ANXA2: variants seen among roughly 807,000 people sequenced by gnomAD.
ANXA2 encodes annexin A2, also known as annexin II.
A neutral mutation model predicts 47.3 loss-of-function variants in ANXA2; 28 were observed. The observed-to-expected ratio is 0.59, with a 90% CI of 0.44 to 0.81. The LOEUF (loss-of-function observed/expected upper bound fraction) is 0.81, where lower values mean the gene tolerates loss of function less well. ANXA2 is among the 40% of genes least tolerant of loss of function. ANXA2 has a pLI of 0.00. For missense variants in ANXA2, 384 were observed against 414.3 expected (o/e 0.93, Z 0.64); for synonymous variants, 172 against 155.5 (o/e 1.11, Z -0.79).
chr15:60,374,796 A>C (rs1484633260), intron 3 of ANXA2: 3 of 431,558 alleles, frequency 7.0e-6, no homozygotes, highest in African/African-American at 6.2e-5. Flanking sequence ...GTAAGATGAG[A>C]AGTCAGTCTA....
At chr15:60,397,859 G>C (rs2063102832) in intron 1 of ANXA2, 84 bp downstream of exon 1, 3 of 1,387,578 alleles carry the variant, frequency 2.2e-6, no homozygotes, top group Non-Finnish European at 2.8e-6. Context: ...GGGCCTCCCT[G>C]CCAGGCCGTA....
At chr15:60,394,746 G>A (rs1468331921) in intron 1 of ANXA2, 1 of 151,818 alleles carries the variant, frequency 6.6e-6, no homozygotes, top group Non-Finnish European at 1.5e-5. Context: ...GTGTACCCTA[G>A]AAGGGAGATT....
chr15:60,376,529 C>T (rs1410936993), intron 3 of ANXA2, among the ~76,000 whole-genome samples: 1 of 152,138 alleles, frequency 6.6e-6, no homozygotes, highest in African/African-American at 2.4e-5. Flanking sequence ...GTCTGCACAC[C>T]TGGAGGTATA....
chr15:60,385,930 C>A, intron 2 of ANXA2, 98 bp downstream of exon 2: 5 of 738,348 alleles, frequency 6.8e-6, no homozygotes, highest in South Asian at 1.9e-5. Context: ...CTGAATTGTC[C>A]CCATCTTCCT....
At chr15:60,361,181 T>A in intron 4 of ANXA2, 127 bp from the exon 5 acceptor site, 3 of 681,512 alleles carry the variant, frequency 4.4e-6, no homozygotes, top group South Asian at 3.4e-5. Context: ...GAGTCTTGGG[T>A]CAAACGCCCT....
chr15:60,364,628 T>G (rs12898870), intron 3 of ANXA2, 105 bp from the exon 4 acceptor site: 51,438 of 776,282 alleles, frequency 0.066, 2,226 homozygotes, highest in Non-Finnish European at 0.086. Flanking sequence ...TATATACTGT[T>G]TTCCAAACTG....
In ANXA2 at chr15:60,361,091, T is replaced by C. The variant is rs560879990; in HGVS notation, c.244-37A>G. 1.4e-4 allele frequency: 193 copies of C among 1,427,510 alleles called. 6 individuals carry two copies. In the South Asian group the frequency reaches 1.7e-3, roughly 12 times the overall value. The allele number at this position is 1,427,510 out of a possible 1,614,324, so 88.4% of individuals were successfully genotyped here. On this transcript the variant is annotated intron_variant, in intron 4 of 12. Coordinates refer to ENST00000451270, the MANE Select transcript of ANXA2 (RefSeq NM_004039.3). ...CAGGCAATCATAAGGAAAATATTTA[T>C]TTTACTTTAAAACTAGTGAGTAAAA... is the stretch of plus-strand genomic sequence containing the variant.
rs1184906549 is a variant in ANXA2 at position 60,374,472 on chromosome 15, T to A, written c.148+7870A>T. On this transcript the variant is annotated intron_variant, in intron 3 of 12. Transcript: ENST00000451270. ...CTCACTTGATATTGGAGAATTTTCT[T>A]GGCATTGCTGACACCAGATTAGAAT... 3 of 455,986 alleles carry A rather than the reference T, an allele frequency of 6.6e-6. No individual in the cohort carries two copies. The East Asian group carries it at 2.1e-4, about 32-fold the overall frequency. The allele number at this position is 455,986 out of a possible 1,614,324, so 28.2% of individuals were successfully genotyped here. A position where few individuals can be genotyped will look rare whatever the true frequency, so the allele number is the denominator to read the frequency against.
At chr15:60,396,227 T>C (rs1488801390) in intron 1 of ANXA2, 1 of 152,160 alleles carries the variant, frequency 6.6e-6, no homozygotes, top group African/African-American at 2.4e-5. Context: ...AGTATCGTTG[T>C]TTTTTAAATA....
Position 60,352,789 on chromosome 15 carries a change from A to G in ANXA2, c.589-313T>C, listed in dbSNP as rs1463006726. ...TATAAAGAAGAACAAGTAAATGTTC[A>G]TTAACACATCTGGCCCTCCTCCCTT... On this transcript the variant is annotated intron_variant, in intron 8 of 12. Transcript: ENST00000451270. This position sits in a 1 kb window ranked among gnomAD's most constrained non-coding sequence, Gnocchi z 4.2. Among the ~76,000 whole-genome samples, 2 of 152,222 alleles carry G rather than the reference A, an allele frequency of 1.3e-5. No homozygotes were observed. The highest frequency in any genetic ancestry group is 4.8e-5 in the African/African-American group (2 of 41,462).
chr15:60,388,137 A>G lies in ANXA2; in HGVS notation c.-11-2051T>C, dbSNP rs145914839. ...CAGAAGGCAGAGGTAGCAGTGAGCC[A>G]AGATCACACCACTGCACTCCAGCCT... On this transcript the variant is annotated intron_variant, in intron 1 of 12. Coordinates refer to ENST00000451270, the MANE Select transcript of ANXA2 (RefSeq NM_004039.3). 4.1e-3 allele frequency among the ~76,000 whole-genome samples: 624 copies of G among 152,104 alleles called. 3 individuals are homozygous for G. The highest frequency in any genetic ancestry group is 0.014 in the African/African-American group (590 of 41,482).
chr15:60,366,263 G>A (rs1260462949), intron 3 of ANXA2, among the ~76,000 whole-genome samples: 1 of 151,376 alleles, frequency 6.6e-6, no homozygotes, highest in Non-Finnish European at 1.5e-5. Context: ...CTGCCCGGCC[G>A]CCACCCCGTC....
intron 1 of ANXA2, 95 bp downstream of exon 1, chr15:60,397,847 CG>C (rs1363676875): frequency 2.2e-6 from 3 of 1,387,054 alleles, no homozygotes; most frequent in South Asian, 3.3e-5. Context: ...GGCCAGTTGC[CG>C]GGGCCTCCCT....
chr15:60,397,397 G>A (rs933098222), intron 1 of ANXA2: 80 of 844,536 alleles, frequency 9.5e-5, no homozygotes, highest in Non-Finnish European at 1.1e-4. Flanking sequence ...GCTGAGGGGT[G>A]CCTACTCACA....
At chr15:60,356,611 G>A (rs2062434149) in intron 6 of ANXA2, among the ~76,000 whole-genome samples, 1 of 152,014 alleles carries the variant, frequency 6.6e-6, no homozygotes, top group Admixed American at 6.5e-5. Flanking sequence ...AATATCACAT[G>A]TACCCCCAAA....
At chr15:60,383,388 C>G (rs1471310480) in intron 2 of ANXA2, 1 of 152,342 alleles carries the variant, frequency 6.6e-6, no homozygotes, top group Non-Finnish European at 1.5e-5. Context: ...CTTGGCCTCC[C>G]AAAGTGCTGG....
rs1895766611 is a variant in ANXA2 at position 60,347,399 on chromosome 15, C to T, written c.*231G>A. 4.4e-5 allele frequency: 26 copies of T among 588,414 alleles called. No homozygotes were observed. The South Asian group carries it at 5.1e-4, about 12-fold the overall frequency. The allele number at this position is 588,414 out of a possible 1,614,324, so 36.4% of individuals were successfully genotyped here. A position where few individuals can be genotyped will look rare whatever the true frequency, so the allele number is the denominator to read the frequency against. ...AGTACACAGGAGGCAAAGTGTTTCA[C>T]ATCATAGACTTCACTTCCAACTCCT... On this transcript the variant is annotated 3_prime_UTR_variant, in exon 13 of 13. Coordinates refer to ENST00000451270, the MANE Select transcript of ANXA2 (RefSeq NM_004039.3).
At chr15:60,390,851 T>C (rs2062999869) in intron 1 of ANXA2, among the ~76,000 whole-genome samples, 1 of 152,200 alleles carries the variant, frequency 6.6e-6, no homozygotes, top group Non-Finnish European at 1.5e-5. Context: ...GAAGGAACAG[T>C]TGGCTTTGCG....
At chr15:60,374,896 G>T (rs749317604) in intron 3 of ANXA2, among the ~76,000 whole-genome samples, 1 of 152,138 alleles carries the variant, frequency 6.6e-6, no homozygotes, top group African/African-American at 2.4e-5. Context: ...GAAGGCCCTG[G>T]GCTACGTGAG....
Sources: allele counts gnomAD v4.1 joint callset (sites outside exome capture counted in the v4.1 genomes callset), GRCh38; gene constraint gnomAD v4.1.1; non-coding constraint Gnocchi (gnomAD v3.1); transcripts MANE v1.5; gene names NCBI Gene and HGNC (gene_info 2026-07-23, HGNC 2026-07-21).